Variants in NBAS observed in about 807,000 individuals in gnomAD.
NBAS encodes NAG/BC035112 fusion.
Under a neutral mutation model 302.5 loss-of-function variants are expected in NBAS, and 219 were observed. The ratio of observed to expected loss-of-function variants is 0.72; its 90% CI spans 0.65 to 0.81. The LOEUF (loss-of-function observed/expected upper bound fraction) is 0.81. Ranked by LOEUF, NBAS falls within the 30% of genes least tolerant of loss-of-function variation. The probability of loss-of-function intolerance (pLI) is 0.00; values close to 1 mark genes in which losing one functional copy is unlikely to be tolerated. For synonymous variants in NBAS, 1,118 were observed against 1,021.6 expected (o/e 1.09, Z -1.80); for missense variants, 2,932 against 2,841.6 (o/e 1.03, Z -0.72).
chr2:14,945,569 A>T, the NBAS span, among the ~76,000 whole-genome samples: 2 of 152,198 alleles, frequency 1.3e-5, no homozygotes, highest in Non-Finnish European at 2.9e-5. Context: ...ATTTATCATA[A>T]AAATTTAATG....
At chr2:15,458,927 C>T (rs1679377829) in intron 21 of NBAS, among the ~76,000 whole-genome samples, 1 of 152,174 alleles carries the variant, frequency 6.6e-6, no homozygotes, top group South Asian at 2.1e-4. Flanking sequence ...TTTGTCTAAA[C>T]AACATATCCC....
the NBAS span, among the ~76,000 whole-genome samples, chr2:14,912,703 TAAAAAAAAAAA>T: frequency 0.1 from 7,864 of 78,600 alleles, 698 homozygotes; most frequent in African/African-American, 0.26. Context: ...CATTCATTTT[TAAAAAAAAAAA>T]AAAAAAAAAA....
At chr2:15,541,191 C>A (rs1459075030) in intron 6 of NBAS, among the ~76,000 whole-genome samples, 2 of 152,204 alleles carry the variant, frequency 1.3e-5, no homozygotes, top group African/African-American at 2.4e-5. Flanking sequence ...GCATTTATCA[C>A]ATCATATTGT....
chr2:15,181,036 T>TA (rs1664795552), intron 50 of NBAS, among the ~76,000 whole-genome samples: 1 of 152,234 alleles, frequency 6.6e-6, no homozygotes, highest in Admixed American at 6.5e-5. Flanking sequence ...TATCTTGTAT[T>TA]ATGGTAGTCA....
chr2:15,076,922 A>C, the NBAS span, among the ~76,000 whole-genome samples: 3 of 152,216 alleles, frequency 2.0e-5, no homozygotes, highest in African/African-American at 7.2e-5. Flanking sequence ...GACACTAAAC[A>C]ATCATATTTA....
chr2:14,834,846 C>G, the NBAS span, among the ~76,000 whole-genome samples: 1,092 of 152,054 alleles, frequency 7.2e-3, 12 homozygotes, highest in African/African-American at 0.025. Flanking sequence ...GGGTGGAAAT[C>G]GTCAGATTAG....
Position 15,438,758 on chromosome 2 carries a change from G to A in NBAS, c.2340-10964C>T, listed in dbSNP as rs188777956. On this transcript the variant is annotated intron_variant, in intron 21 of 51. Transcript: ENST00000281513. ...TACAGACAATGGATCAGAGAAGAAC[G>A]TGCACTGAGAAAGAAAGCTCCAAAA... 2.1e-3 allele frequency among the ~76,000 whole-genome samples: 324 copies of A among 152,256 alleles called. 3 individuals are homozygous for A. Among genetic ancestry groups the A allele is most frequent in the Non-Finnish European group, 1.9e-3 (129 of 68,022 alleles).
chr2:15,435,295 T>C (rs1315058656), intron 21 of NBAS, among the ~76,000 whole-genome samples: 1 of 152,186 alleles, frequency 6.6e-6, no homozygotes, highest in Non-Finnish European at 1.5e-5. Flanking sequence ...AAAGGAACAC[T>C]GATTTCTTCA....
At chr2:15,361,980 C>CAA (rs796485418) in intron 32 of NBAS, among the ~76,000 whole-genome samples, 4 of 114,888 alleles carry the variant, frequency 3.5e-5, no homozygotes, top group South Asian at 5.4e-4. Flanking sequence ...AACTCCATCT[C>CAA]AAAAAAAAAA....
At chr2:15,129,086 C>T in the NBAS span, among the ~76,000 whole-genome samples, 22 of 152,384 alleles carry the variant, frequency 1.4e-4, no homozygotes, top group Admixed American at 2.0e-4. Flanking sequence ...CGCAGCTCTC[C>T]GGCTGCCACG....
At chr2:15,502,501 TTG>T (rs1661617359) in intron 11 of NBAS, among the ~76,000 whole-genome samples, 1 of 152,252 alleles carries the variant, frequency 6.6e-6, no homozygotes, top group East Asian at 1.9e-4. Flanking sequence ...GTATAGCCTA[TTG>T]CTCCTAGGGC....
chr2:15,366,778 GAA>G, intron 31 of NBAS, 85 bp from the exon 32 acceptor site: 2 of 1,250,838 alleles, frequency 1.6e-6, no homozygotes, highest in Non-Finnish European at 2.3e-6. Context: ...GGCATCCAAA[GAA>G]AATGAAAACT....
the NBAS span, among the ~76,000 whole-genome samples, chr2:15,041,086 T>A: frequency 6.6e-6 from 1 of 152,176 alleles, no homozygotes; most frequent in Non-Finnish European, 1.5e-5. Flanking sequence ...AGCTCCCCTT[T>A]GCACAAGGTT....
intron 11 of NBAS, among the ~76,000 whole-genome samples, chr2:15,491,707 G>C (rs994622630): frequency 2.6e-5 from 4 of 151,362 alleles, no homozygotes; most frequent in African/African-American, 9.7e-5. Context: ...CTGCACTCCA[G>C]CCTGGGCGAC....
intron 44 of NBAS, among the ~76,000 whole-genome samples, chr2:15,261,197 A>G (rs532792785): frequency 6.6e-6 from 1 of 152,362 alleles, no homozygotes; most frequent in South Asian, 2.1e-4. Flanking sequence ...CTGTGTGCTG[A>G]TGCCAAATGC....
intron 8 of NBAS, among the ~76,000 whole-genome samples, chr2:15,535,317 C>T (rs1002970991): frequency 2.0e-5 from 3 of 151,942 alleles, no homozygotes; most frequent in South Asian, 2.1e-4. Flanking sequence ...GTCAGGAGAT[C>T]GAGACCATCC....
At chr2:14,807,471 G>A in the NBAS span, among the ~76,000 whole-genome samples, 1 of 151,870 alleles carries the variant, frequency 6.6e-6, no homozygotes, top group Non-Finnish European at 1.5e-5. Flanking sequence ...GTGTGTGTGT[G>A]TGTGTGTGTG....
chr2:15,183,110 C>T (rs12476981), intron 50 of NBAS, among the ~76,000 whole-genome samples: 14,617 of 152,010 alleles, frequency 0.096, 1,185 homozygotes, highest in East Asian at 0.32. Flanking sequence ...CATTGTAGAA[C>T]TCTGAAATTA....
At chr2:14,915,431 C>G in the NBAS span, among the ~76,000 whole-genome samples, 2 of 152,170 alleles carry the variant, frequency 1.3e-5, no homozygotes, top group African/African-American at 4.8e-5. Flanking sequence ...ATGTCCCCAC[C>G]CATATCTCAT....
Sources: allele counts gnomAD v4.1 joint callset (sites outside exome capture counted in the v4.1 genomes callset), GRCh38; gene constraint gnomAD v4.1.1; transcripts MANE v1.5; gene names NCBI Gene and HGNC (gene_info 2026-07-23, HGNC 2026-07-21).